The following SUGCT variants were observed in gnomAD, a reference collection of about 807,000 sequenced individuals.
The protein encoded by SUGCT is succinyl-CoA:glutarate CoA-transferase.
SUGCT carries 41 observed loss-of-function variants against 55.0 expected under a neutral mutation model. The observed-to-expected ratio is 0.74, with a 90% CI of 0.58 to 0.97. The LOEUF is 0.97. SUGCT is among the 50% of genes least tolerant of loss of function. SUGCT has a pLI of 0.00. For synonymous variants in SUGCT, 187 were observed against 200.4 expected, an observed-to-expected ratio of 0.93 and a Z score of 0.56; for missense variants, 568 against 547.8, an observed-to-expected ratio of 1.04 and a Z score of -0.37.
chr7:40,289,910 T>C (rs1480410650), intron 8 of SUGCT, among the ~76,000 whole-genome samples: 9 of 152,218 alleles, frequency 5.9e-5, no homozygotes, highest in African/African-American at 2.2e-4. Context: ...TCACAATTGC[T>C]TCGAAGAGAA....
chr7:40,810,655 T>C (rs530918164), intron 13 of SUGCT, among the ~76,000 whole-genome samples: 98 of 152,328 alleles, frequency 6.4e-4, no homozygotes, highest in Middle Eastern at 6.8e-3. Context: ...TTATAGATTC[T>C]AGGTATTAGA....
intron 12 of SUGCT, among the ~76,000 whole-genome samples, chr7:40,544,370 A>C (rs909331168): frequency 2.0e-5 from 3 of 152,166 alleles, no homozygotes; most frequent in African/African-American, 7.2e-5. Flanking sequence ...AAGGAGAGGT[A>C]GCATTTTCTT....
intron 7 of SUGCT, among the ~76,000 whole-genome samples, chr7:40,266,174 T>C (rs1249786524): frequency 1.5e-5 from 2 of 129,936 alleles, no homozygotes; most frequent in African/African-American, 2.9e-5. Flanking sequence ...TCTTTTCTTT[T>C]CTTTCCTTTC....
intron 9 of SUGCT, chr7:40,388,254 C>T (rs1476975069): frequency 6.6e-6 from 1 of 152,114 alleles, no homozygotes; most frequent in South Asian, 2.1e-4. Flanking sequence ...GCTGTAATTA[C>T]AGGCATTTAG....
chr7:40,783,328 C>T (rs1789852776), intron 13 of SUGCT, among the ~76,000 whole-genome samples: 1 of 152,154 alleles, frequency 6.6e-6, no homozygotes, highest in African/African-American at 2.4e-5. Context: ...ATAGAACTTT[C>T]AGGCCCCACA....
chr7:40,943,185 A>G, the SUGCT span, among the ~76,000 whole-genome samples: 1 of 151,652 alleles, frequency 6.6e-6, no homozygotes, highest in Non-Finnish European at 1.5e-5. Context: ...ATTTGGGTTG[A>G]TGATTTCTTC....
At chr7:40,269,128 A>G (rs1051467835) in intron 7 of SUGCT, among the ~76,000 whole-genome samples, 8 of 151,926 alleles carry the variant, frequency 5.3e-5, no homozygotes, top group South Asian at 2.1e-4. Flanking sequence ...CTCTTTTTTT[A>G]TGATAGTCAT....
At chr7:40,902,821 C>T in the SUGCT span, among the ~76,000 whole-genome samples, 3 of 152,008 alleles carry the variant, frequency 2.0e-5, no homozygotes, top group Non-Finnish European at 4.4e-5. Flanking sequence ...GCTCTGGCCT[C>T]GTCTTTCTGA....
intron 6 of SUGCT, among the ~76,000 whole-genome samples, chr7:40,210,761 A>ATT (rs750503566): frequency 2.0e-5 from 3 of 152,066 alleles, no homozygotes; most frequent in Non-Finnish European, 4.4e-5. Flanking sequence ...CGTTTGGCTA[A>ATT]TTTAAAGAGA....
At chr7:40,606,437 T>C (rs1457612898) in intron 12 of SUGCT, among the ~76,000 whole-genome samples, 1 of 152,006 alleles carries the variant, frequency 6.6e-6, no homozygotes, top group East Asian at 1.9e-4. Flanking sequence ...AGAGAGAAAA[T>C]GCAAAAGGGC....
intron 9 of SUGCT, among the ~76,000 whole-genome samples, chr7:40,420,269 A>T (rs890933597): frequency 6.6e-6 from 1 of 152,134 alleles, no homozygotes; most frequent in Non-Finnish European, 1.5e-5. Context: ...AAAGGAAGGT[A>T]TGTGAAATAG....
At chr7:40,738,987 C>T (rs902825967) in intron 12 of SUGCT, among the ~76,000 whole-genome samples, 12 of 152,080 alleles carry the variant, frequency 7.9e-5, no homozygotes, top group Admixed American at 4.6e-4. Flanking sequence ...ATTGAGTCCC[C>T]TCTCACATTA....
the SUGCT span, among the ~76,000 whole-genome samples, chr7:40,900,084 A>G: frequency 1.3e-5 from 2 of 152,166 alleles, no homozygotes; most frequent in African/African-American, 4.8e-5. Flanking sequence ...TTCTCAGCGA[A>G]GCATTGGCCA....
intron 12 of SUGCT, among the ~76,000 whole-genome samples, chr7:40,572,088 A>G (rs1796482245): frequency 6.6e-6 from 1 of 152,008 alleles, no homozygotes; most frequent in Non-Finnish European, 1.5e-5. Flanking sequence ...CTTGTTTCCT[A>G]CGGGCCCAGG....
chr7:40,914,264 A>ATTTTTTCTTT, the SUGCT span, among the ~76,000 whole-genome samples: 62 of 136,368 alleles, frequency 4.5e-4, 1 homozygote, highest in African/African-American at 1.7e-3. Flanking sequence ...TTATTTATTT[A>ATTTTTTCTTT]TTTTTTTCTT....
chr7:41,031,979 A>G, the SUGCT span, among the ~76,000 whole-genome samples: 2 of 152,008 alleles, frequency 1.3e-5, no homozygotes, highest in East Asian at 1.9e-4. Flanking sequence ...TGTGCCCAGT[A>G]TCTAGTAGGG....
At chr7:40,237,123 G>A (rs986676549) in intron 6 of SUGCT, among the ~76,000 whole-genome samples, 4 of 147,858 alleles carry the variant, frequency 2.7e-5, no homozygotes, top group Non-Finnish European at 3.0e-5. Context: ...GTGAGCCACC[G>A]CACCCGGCCT....
chr7:40,473,343 C>A (rs1339358065), intron 11 of SUGCT, among the ~76,000 whole-genome samples: 1 of 152,140 alleles, frequency 6.6e-6, no homozygotes, highest in Non-Finnish European at 1.5e-5. Context: ...GTCATTTTTA[C>A]TAAATATATC....
chr7:40,775,790 A>G (rs1304266463), intron 13 of SUGCT: 2 of 152,240 alleles, frequency 1.3e-5, no homozygotes, highest in African/African-American at 4.8e-5. Context: ...TGAAATTCCT[A>G]TTAAGCAGCA....
Sources: gnomAD v4.1 joint callset for allele counts (sites outside exome capture counted in the v4.1 genomes callset) on GRCh38, gnomAD v4.1.1 for gene constraint, MANE v1.5 for transcripts, NCBI Gene and HGNC (gene_info 2026-07-23, HGNC 2026-07-21) for gene names.